The following ADARB2 variants were observed in gnomAD, a reference collection of about 807,000 sequenced individuals.
ADARB2 encodes adenosine deaminase RNA specific B2 (inactive), also known as inactive double-stranded RNA-specific editase B2.
A neutral mutation model predicts 62.2 loss-of-function variants in ADARB2; 25 were observed. The observed-to-expected ratio is 0.40, with a 90% CI of 0.29 to 0.56. The LOEUF (loss-of-function observed/expected upper bound fraction) is 0.56. Among genes scored for constraint, ADARB2 ranks in the 20% least tolerant of loss-of-function variants. The pLI, the probability that ADARB2 is intolerant of heterozygous loss-of-function variation, is 0.43. For missense variants in ADARB2, 1,071 were observed against 1,077.4 expected (o/e 0.99, Z 0.08); for synonymous variants, 572 against 500.8 (o/e 1.14, Z -1.90).
intron 6 of ADARB2, among the ~76,000 whole-genome samples, chr10:1,218,871 C>T (rs1239850586): frequency 6.6e-6 from 1 of 151,272 alleles, no homozygotes; most frequent in Non-Finnish European, 1.5e-5. Flanking sequence ...AGTGAAACCC[C>T]ATCTCTACTA....
intron 3 of ADARB2, among the ~76,000 whole-genome samples, chr10:1,327,965 A>AGCAT (rs1831890635): frequency 8.9e-6 from 1 of 112,156 alleles, no homozygotes; most frequent in African/African-American, 3.4e-5. Flanking sequence ...TCTCACCAGT[A>AGCAT]CTCAGCGCCT....
chr10:1,404,317 C>A (rs1238883403), intron 1 of ADARB2, among the ~76,000 whole-genome samples: 4 of 152,210 alleles, frequency 2.6e-5, no homozygotes, highest in Non-Finnish European at 4.4e-5. Context: ...GCTGGTCTCG[C>A]AGGCCCTACC....
intron 1 of ADARB2, among the ~76,000 whole-genome samples, chr10:1,651,698 C>T (rs1054067067): frequency 2.0e-5 from 3 of 152,086 alleles, no homozygotes; most frequent in Non-Finnish European, 4.4e-5. Context: ...ATGAAGACAG[C>T]AGACAGCGAA....
chr10:1,552,673 G>C (rs1258941621), intron 1 of ADARB2, among the ~76,000 whole-genome samples: 4 of 151,666 alleles, frequency 2.6e-5, no homozygotes, highest in Non-Finnish European at 4.4e-5. Flanking sequence ...CGGCTTCAGG[G>C]AACAGTCAAT....
intron 3 of ADARB2, among the ~76,000 whole-genome samples, chr10:1,307,284 C>T (rs1247985302): frequency 1.1e-5 from 1 of 92,190 alleles, no homozygotes; most frequent in African/African-American, 2.9e-5. Flanking sequence ...TGAACAAACA[C>T]TTCTCAAAAG....
chr10:1,628,013 G>A (rs569714325), intron 1 of ADARB2, among the ~76,000 whole-genome samples: 129 of 152,334 alleles, frequency 8.5e-4, no homozygotes, highest in African/African-American at 3.0e-3. Flanking sequence ...GAAAACTGCC[G>A]GCTGATGTGG....
intron 1 of ADARB2, among the ~76,000 whole-genome samples, chr10:1,664,341 C>T (rs1003600921): frequency 8.5e-5 from 13 of 152,132 alleles, no homozygotes; most frequent in East Asian, 5.8e-4. Context: ...CTTGCTGAAT[C>T]GTATGAACAG....
intron 1 of ADARB2, among the ~76,000 whole-genome samples, chr10:1,598,795 A>C (rs559552430): frequency 1.3e-5 from 2 of 152,238 alleles, no homozygotes; most frequent in Non-Finnish European, 2.9e-5. Context: ...TCTGGTCAGG[A>C]GGCAGACTGG....
In ADARB2 at chr10:1,202,478, C is replaced by G. The variant is rs1189509902; in HGVS notation, c.1683-2331G>C. On this transcript the variant is annotated intron_variant, in intron 7 of 9. Coordinates refer to ENST00000381312, the MANE Select transcript of ADARB2 (RefSeq NM_018702.4). ...ACAGGTGTGAGTCACCGTGTCCGGC[C>G]AAGGCTGACATTTTTGAGGAGCGGT... Among the ~76,000 whole-genome samples, 2 of 152,218 alleles carry G rather than the reference C, an allele frequency of 1.3e-5. 1 individual carries two copies. Among genetic ancestry groups the G allele is most frequent in the East Asian group, 3.8e-4 (2 of 5,196 alleles).
At chr10:1,437,909 T>C (rs1005477298) in intron 1 of ADARB2, among the ~76,000 whole-genome samples, 1 of 152,358 alleles carries the variant, frequency 6.6e-6, no homozygotes. Flanking sequence ...ATCTGCTATC[T>C]TTAATCTTCA....
chr10:1,600,499 T>C (rs1335025453), intron 1 of ADARB2, among the ~76,000 whole-genome samples: 1 of 151,812 alleles, frequency 6.6e-6, no homozygotes. Flanking sequence ...CCGTCTCTAC[T>C]AAAAATACAA....
chr10:1,439,757 G>A (rs1488112282), intron 1 of ADARB2, among the ~76,000 whole-genome samples: 1 of 149,136 alleles, frequency 6.7e-6, no homozygotes, highest in Non-Finnish European at 1.5e-5. Context: ...CTTCATCATG[G>A]GGCTCCTGAG....
intron 1 of ADARB2, among the ~76,000 whole-genome samples, chr10:1,673,314 A>ATATG (rs71495946): frequency 2.0e-5 from 3 of 149,592 alleles, no homozygotes; most frequent in Admixed American, 6.7e-5. Context: ...ATTTCATTTT[A>ATATG]TGTGTGTGTG....
intron 7 of ADARB2, among the ~76,000 whole-genome samples, chr10:1,210,738 C>A (rs1026167225): frequency 1.3e-5 from 2 of 152,230 alleles, no homozygotes; most frequent in Non-Finnish European, 2.9e-5. Context: ...CCGTGTGGAG[C>A]ACTTTGTACC....
At chr10:1,212,508 A>T (rs578122221) in intron 7 of ADARB2, among the ~76,000 whole-genome samples, 1 of 152,256 alleles carries the variant, frequency 6.6e-6, no homozygotes, top group East Asian at 1.9e-4. Flanking sequence ...TGGTGGCACC[A>T]CTTCTGTCAT....
At chr10:1,554,173 C>T (rs1048158277) in intron 1 of ADARB2, among the ~76,000 whole-genome samples, 24 of 152,218 alleles carry the variant, frequency 1.6e-4, no homozygotes, top group African/African-American at 4.6e-4. Flanking sequence ...GTTCTGTCTC[C>T]GGGTGGCCTG....
intron 1 of ADARB2, among the ~76,000 whole-genome samples, chr10:1,505,322 C>T (rs1054788497): frequency 9.9e-5 from 15 of 151,906 alleles, no homozygotes; most frequent in East Asian, 1.9e-4. Context: ...GTGATGATGA[C>T]GCTGAGGAAG....
intron 1 of ADARB2, among the ~76,000 whole-genome samples, chr10:1,626,172 C>G (rs909230477): frequency 6.7e-6 from 1 of 149,496 alleles, no homozygotes; most frequent in African/African-American, 2.5e-5. Flanking sequence ...TCCACTGGAC[C>G]TCGGACGCTA....
At chr10:1,306,735 T>C (rs1464198706) in intron 3 of ADARB2, among the ~76,000 whole-genome samples, 3 of 136,588 alleles carry the variant, frequency 2.2e-5, no homozygotes, top group Non-Finnish European at 4.8e-5. Context: ...AAAACAGAGA[T>C]ATAGATCAAT....
Sources: allele counts gnomAD v4.1 joint callset (sites outside exome capture counted in the v4.1 genomes callset), GRCh38; gene constraint gnomAD v4.1.1; transcripts MANE v1.5; gene names NCBI Gene and HGNC (gene_info 2026-07-23, HGNC 2026-07-21).